The following EFCAB8 variants were observed in gnomAD, a reference collection of about 807,000 sequenced individuals.
The protein encoded by EFCAB8 is EF-hand calcium-binding domain-containing protein 8.
In EFCAB8, 100 loss-of-function variants were observed where a neutral mutation model predicts 116.3. The ratio of observed to expected loss-of-function variants is 0.86; its 90% CI spans 0.73 to 1.02. The LOEUF is 1.02. Ranked by LOEUF, EFCAB8 falls within the 50% of genes least tolerant of loss-of-function variation. The pLI is 0.00. For missense variants in EFCAB8, 1,320 were observed against 1,416.9 expected, an observed-to-expected ratio of 0.93 and a Z score of 1.10; for synonymous variants, 558 against 567.9, an observed-to-expected ratio of 0.98 and a Z score of 0.25.
At position 32,877,114 on chromosome 20, in the gene EFCAB8, C is replaced by T. The variant is rs74953036; in HGVS notation, c.327+1070C>T. Among the ~76,000 whole-genome samples the T allele has an allele frequency of 5.1e-3, 773 of 152,120 alleles. 6 individuals are homozygous for T. Among genetic ancestry groups the T allele is most frequent in the African/African-American group, 0.018 (730 of 41,484 alleles). Reference sequence around the variant, plus strand: ...AACCAGGGAGGGTGCCTTGAGAGTCCCTGCGTTAACTGCCGTCTCATAGCT... The same window carrying T: ...AACCAGGGAGGGTGCCTTGAGAGTCTCTGCGTTAACTGCCGTCTCATAGCT... On this transcript the variant is annotated intron_variant, in intron 4 of 26. Coordinates refer to ENST00000400522, the MANE Select transcript of EFCAB8 (RefSeq NM_001143967.2).
intron 23 of EFCAB8, among the ~76,000 whole-genome samples, chr20:32,956,229 G>A (rs1988960713): frequency 6.6e-6 from 1 of 151,842 alleles, no homozygotes; most frequent in Non-Finnish European, 1.5e-5. Flanking sequence ...CCATGTTTAT[G>A]TTATTATTAT....
intron 6 of EFCAB8, among the ~76,000 whole-genome samples, chr20:32,887,798 C>G (rs1985708368): frequency 6.6e-6 from 1 of 152,218 alleles, no homozygotes; most frequent in East Asian, 1.9e-4. Flanking sequence ...GTGCTGAGCT[C>G]CTACTGAGTG....
At chr20:32,865,519 C>T (rs1984344536) in intron 2 of EFCAB8, among the ~76,000 whole-genome samples, 1 of 151,848 alleles carries the variant, frequency 6.6e-6, no homozygotes, top group South Asian at 2.1e-4. Context: ...GCCTAGAAGC[C>T]AGGCGCAGTG....
chr20:32,865,527 G>A (rs1016073690), intron 2 of EFCAB8, among the ~76,000 whole-genome samples: 2 of 152,098 alleles, frequency 1.3e-5, no homozygotes, highest in African/African-American at 2.4e-5. Flanking sequence ...GCCAGGCGCA[G>A]TGGCCCATAT....
chr20:32,860,667 C>T (rs576212053), intron 1 of EFCAB8, among the ~76,000 whole-genome samples: 3 of 151,952 alleles, frequency 2.0e-5, no homozygotes, highest in African/African-American at 7.2e-5. Context: ...CCATTGTGCC[C>T]AGGCTATTTT....
intron 16 of EFCAB8, 103 bp downstream of exon 16, chr20:32,911,810 G>T: frequency 8.4e-7 from 1 of 1,186,918 alleles, no homozygotes; most frequent in East Asian, 2.5e-5. Flanking sequence ...CTCTGAAAGG[G>T]TGTTCATCAT....
chr20:32,890,368 A>C (rs1985852840), intron 7 of EFCAB8, among the ~76,000 whole-genome samples: 1 of 152,190 alleles, frequency 6.6e-6, no homozygotes, highest in South Asian at 2.1e-4. Flanking sequence ...CTGACCCTCT[A>C]GTCCAAGATC....
intron 6 of EFCAB8, among the ~76,000 whole-genome samples, chr20:32,887,138 C>T (rs1985673197): frequency 6.6e-6 from 1 of 152,172 alleles, no homozygotes; most frequent in Non-Finnish European, 1.5e-5. Flanking sequence ...GGAACAGGCT[C>T]CTCTCTGCCC....
intron 6 of EFCAB8, among the ~76,000 whole-genome samples, chr20:32,887,399 A>T (rs1985685586): frequency 6.6e-6 from 1 of 152,108 alleles, no homozygotes; most frequent in African/African-American, 2.4e-5. Context: ...ACCATGGTGA[A>T]ACCCCGTCTC....
chr20:32,952,038 T>C (rs1342258568), intron 23 of EFCAB8, among the ~76,000 whole-genome samples: 1 of 152,124 alleles, frequency 6.6e-6, no homozygotes, highest in Non-Finnish European at 1.5e-5. Flanking sequence ...AGTGGGTGGA[T>C]TGCTTGAGCT....
At chr20:32,921,267 C>T (rs6119305) in intron 20 of EFCAB8, among the ~76,000 whole-genome samples, 13,657 of 151,764 alleles carry the variant, frequency 0.09, 974 homozygotes, top group African/African-American at 0.2. Flanking sequence ...GATCACAGCT[C>T]ATTACAGCCT....
intron 20 of EFCAB8, among the ~76,000 whole-genome samples, chr20:32,927,458 C>T (rs1987717311): frequency 6.6e-6 from 1 of 152,080 alleles, no homozygotes; most frequent in Admixed American, 6.5e-5. Context: ...AATTCTTCTG[C>T]CTCAGCCTCC....
intron 22 of EFCAB8, among the ~76,000 whole-genome samples, chr20:32,938,961 TTTC>T (rs1988231012): frequency 7.2e-6 from 1 of 139,856 alleles, no homozygotes; most frequent in African/African-American, 2.7e-5. Flanking sequence ...CCTTCCTTCC[TTTC>T]TTTTTCTTTC....
rs1365433177 is a variant in EFCAB8, at chr20:32,875,981, G to A, written c.264G>A (p.Ser88=). 5.8e-6 allele frequency: 9 copies of A among 1,551,978 alleles called. No individual in the cohort carries two copies. Among genetic ancestry groups the A allele is most frequent in the Middle Eastern group, 1.7e-4 (1 of 6,016 alleles). Residue 88 remains serine, a synonymous_variant, in exon 4 of 27, where the codon TCG becomes TCA. Transcript: ENST00000400522. ...KAMKKVLSSV[S]DEMLKELFLK... ...TGAAGAAGGTTCTGAGCAGTGTGTC[G>A]GACGAGATGCTAAAGGAGCTGTTTT...
Position 32,959,934 on chromosome 20 carries a change from G to A in EFCAB8, c.3246G>A (p.Leu1082=), listed in dbSNP as rs1192132467. ...CCCCGTGGGCCGGAGAGCGCCCCCT[G>A]GAAGACATTGAGGACAGCTGGAACA... ...LMSPWAGERP[L]EDIEDSWNKW... is the part of the protein sequence containing the mutation. Residue 1082 remains leucine, a synonymous_variant, in exon 25 of 27, where the codon CTG becomes CTA. Coordinates refer to ENST00000400522, the MANE Select transcript of EFCAB8 (RefSeq NM_001143967.2). The A allele has an allele frequency of 6.4e-7, 1 of 1,551,706 alleles. No homozygotes were observed. Among genetic ancestry groups the A allele is most frequent in the Non-Finnish European group, 8.7e-7 (1 of 1,146,982 alleles).
At position 32,867,720 on chromosome 20, in the gene EFCAB8, T is replaced by A. The variant is rs1187039220; in HGVS notation, c.181T>A (p.Phe61Ile). 1 of 1,551,564 alleles carries A rather than the reference T, an allele frequency of 6.4e-7. No individual in the cohort carries two copies. The highest frequency in any genetic ancestry group is 1.2e-5 in the South Asian group (1 of 84,036). The change falls in exon 3 of 27, where the codon TTT (phenylalanine) becomes ATT (isoleucine). Residue 61 changes from phenylalanine to isoleucine, a missense_variant. By Grantham distance (21) the Phe-to-Ile change is conservative. Transcript: ENST00000400522. ...ACACCTGGCCAAGATAGAGAAAATG[T>A]TTGAGGAGGACATCAACTCGACTGG... Reference protein sequence around the residue: ...EIHLAKIEKMFEEDINSTGAL... With the variant: ...EIHLAKIEKMIEEDINSTGAL...
At chr20:32,859,579 T>C (rs561135692) in intron 1 of EFCAB8, among the ~76,000 whole-genome samples, 1 of 152,340 alleles carries the variant, frequency 6.6e-6, no homozygotes, top group South Asian at 2.1e-4. Flanking sequence ...TTACAAAATA[T>C]TTAGTTTTGA....
At chr20:32,932,556 G>A (rs1430496319) in intron 22 of EFCAB8, among the ~76,000 whole-genome samples, 2 of 152,144 alleles carry the variant, frequency 1.3e-5, no homozygotes, top group Non-Finnish European at 2.9e-5. Context: ...TTGATTTTTG[G>A]TTATTCCTCT....
intron 17 of EFCAB8, 90 bp from the exon 18 acceptor site, chr20:32,917,211 C>G: frequency 9.3e-7 from 1 of 1,070,558 alleles, no homozygotes; most frequent in East Asian, 2.6e-5. Context: ...TGAGTCGGCT[C>G]CCAGAATCCT....
Sources: allele counts gnomAD v4.1 joint callset (sites outside exome capture counted in the v4.1 genomes callset), GRCh38; gene constraint gnomAD v4.1.1; transcripts MANE v1.5; gene names NCBI Gene and HGNC (gene_info 2026-07-23, HGNC 2026-07-21).